Variants in SEC63 observed in about 807,000 individuals in gnomAD.
SEC63 encodes translocation protein SEC63 homolog.
SEC63 carries 56 observed loss-of-function variants against 116.2 expected under a neutral mutation model. That is an observed-to-expected ratio of 0.48 (90% confidence interval 0.39 to 0.60). The LOEUF is 0.60. Among genes scored for constraint, SEC63 ranks in the 20% least tolerant of loss-of-function variants. The probability of loss-of-function intolerance (pLI) is 0.00; values close to 1 mark genes in which losing one functional copy is unlikely to be tolerated. For synonymous variants in SEC63, 273 were observed against 294.6 expected (o/e 0.93, Z 0.75); for missense variants, 668 against 900.0 (o/e 0.74, Z 3.30).
intron 18 of SEC63, among the ~76,000 whole-genome samples, chr6:107,880,729 C>T (rs1562313902): frequency 1.3e-5 from 2 of 152,160 alleles, no homozygotes; most frequent in Non-Finnish European, 2.9e-5. Context: ...ATGTCGCCAG[C>T]AGGATCCTCA....
chr6:107,872,229 TG>T (rs1281598063), intron 20 of SEC63, among the ~76,000 whole-genome samples: 23 of 152,338 alleles, frequency 1.5e-4, no homozygotes, highest in African/African-American at 5.5e-4. Context: ...AGACTTGTGA[TG>T]TAAAATTCTA....
In SEC63 at chr6:107,908,957, C is replaced by A; in HGVS notation, c.703G>T (p.Val235Phe). 3.1e-6 allele frequency: 5 copies of A among 1,611,832 alleles called. No homozygotes were observed. Among genetic ancestry groups the A allele is most frequent in the Non-Finnish European group, 4.2e-6 (5 of 1,178,260 alleles). Residue 235 changes from valine to phenylalanine, a missense_variant, in exon 8 of 21, where the codon GTT (valine) becomes TTT (phenylalanine). Val to Phe is a conservative substitution (Grantham distance 50). Around this residue, in one of 5 missense-constraint regions of SEC63, gnomAD observed 430 missense variants for 557.5 expected, o/e 0.77. Coordinates refer to ENST00000369002, the MANE Select transcript of SEC63 (RefSeq NM_007214.5). Reference sequence around the variant, plus strand: ...ATATCCATATTTCGGGTTTTATAAACAAAGTATGTATAAATCTGTGTTGTG... The same window carrying A: ...ATATCCATATTTCGGGTTTTATAAAAAAAGTATGTATAAATCTGTGTTGTG... ...IRTTQIYTYF[V>F]YKTRNMDMKR... is the part of the protein sequence containing the mutation.
rs79487439 is a variant in SEC63, at chr6:107,940,351, A to G, written c.125-10837T>C. On this transcript the variant is annotated intron_variant, in intron 1 of 20. Transcript: ENST00000369002. Reference sequence around the variant, plus strand: ...AGGTACTTGACAGCAGCATACAATTATATCATATATTATCTCTTTTTCTTT... The same window carrying G: ...AGGTACTTGACAGCAGCATACAATTGTATCATATATTATCTCTTTTTCTTT... Among the ~76,000 whole-genome samples, 776 of 152,302 alleles carry G rather than the reference A, an allele frequency of 5.1e-3. 6 individuals are homozygous for G. Among genetic ancestry groups the G allele is most frequent in the African/African-American group, 0.018 (737 of 41,546 alleles).
chr6:107,923,153 A>AC, intron 3 of SEC63, among the ~76,000 whole-genome samples: 1 of 150,678 alleles, frequency 6.6e-6, no homozygotes, highest in East Asian at 1.9e-4. Context: ...AACACAAAAG[A>AC]TTTTTTTTTT....
intron 1 of SEC63, among the ~76,000 whole-genome samples, chr6:107,935,130 C>T (rs1770178700): frequency 6.8e-6 from 1 of 146,716 alleles, no homozygotes; most frequent in Admixed American, 6.7e-5. Context: ...GGGGGGTCAG[C>T]CCCCCGCCCA....
At chr6:107,913,971 C>T (rs1787342857) in intron 4 of SEC63, among the ~76,000 whole-genome samples, 1 of 152,160 alleles carries the variant, frequency 6.6e-6, no homozygotes. Context: ...AGGTAATTTG[C>T]ACTGTGCTAA....
chr6:107,938,300 G>A (rs1373619834), intron 1 of SEC63, among the ~76,000 whole-genome samples: 1 of 138,078 alleles, frequency 7.2e-6, no homozygotes, highest in Non-Finnish European at 1.5e-5. Flanking sequence ...AGGCTAGATA[G>A]ACTACAGTGG....
At chr6:107,892,377 G>A (rs916341266) in intron 16 of SEC63, among the ~76,000 whole-genome samples, 1 of 152,132 alleles carries the variant, frequency 6.6e-6, no homozygotes, top group East Asian at 1.9e-4. Flanking sequence ...TAAGTGGTTC[G>A]TATCCCCTAC....
chr6:107,920,205 C>T (rs1010614803), intron 4 of SEC63, among the ~76,000 whole-genome samples: 4 of 151,936 alleles, frequency 2.6e-5, no homozygotes, highest in Admixed American at 1.3e-4. Flanking sequence ...GGGAGGATCA[C>T]GACGTCAGGA....
Position 107,958,067 on chromosome 6 carries a change from C to G in SEC63, c.-58G>C, listed in dbSNP as rs1770750326. The G allele has an allele frequency of 6.2e-7, 1 of 1,600,058 alleles. No individual in the cohort carries two copies. The highest frequency in any genetic ancestry group is 8.5e-7 in the Non-Finnish European group (1 of 1,170,992). ...GCCGCCGCCACGACCACGCTCTGCA[C>G]TCCCGCTCCCAACGCCCCGGCCCGA... On this transcript the variant is annotated 5_prime_UTR_variant, in exon 1 of 21. Coordinates refer to ENST00000369002, the MANE Select transcript of SEC63 (RefSeq NM_007214.5).
chr6:107,925,032 T>G (rs1787644806), intron 2 of SEC63, 100 bp from the exon 3 acceptor site: 1 of 742,848 alleles, frequency 1.3e-6, no homozygotes, highest in Non-Finnish European at 2.5e-6. Flanking sequence ...AGTAGTACCA[T>G]ATCACTATGC....
At chr6:107,951,208 T>C (rs1770571588) in intron 1 of SEC63, among the ~76,000 whole-genome samples, 3 of 152,210 alleles carry the variant, frequency 2.0e-5, no homozygotes, top group African/African-American at 7.2e-5. Flanking sequence ...AGATGGGTAG[T>C]GTTAAGGTAA....
chr6:107,919,337 G>A (rs1275063837), intron 4 of SEC63, among the ~76,000 whole-genome samples: 1 of 152,192 alleles, frequency 6.6e-6, no homozygotes, highest in Non-Finnish European at 1.5e-5. Flanking sequence ...TGACTGAATT[G>A]CTGCAATCTC....
At chr6:107,898,152 T>C (rs1786909054) in intron 13 of SEC63, among the ~76,000 whole-genome samples, 1 of 151,696 alleles carries the variant, frequency 6.6e-6, no homozygotes, top group African/African-American at 2.4e-5. Flanking sequence ...TAGTCTCAGC[T>C]AGTCGGGAGG....
chr6:107,949,802 T>TTTTGTTTG (rs768804192), intron 1 of SEC63, among the ~76,000 whole-genome samples: 1 of 152,128 alleles, frequency 6.6e-6, no homozygotes, highest in African/African-American at 2.4e-5. Flanking sequence ...GCTAATATTT[T>TTTTGTTTG]TTTGTTTGTT....
At position 107,867,855 on chromosome 6, in the gene SEC63, G is replaced by A. The variant is rs1171683795; in HGVS notation, c.*3849C>T. 1.3e-5 allele frequency: 2 copies of A among 151,918 alleles called. No homozygotes were observed. Among genetic ancestry groups the A allele is most frequent in the Non-Finnish European group, 2.9e-5 (2 of 67,994 alleles). The allele number at this position is 151,918 out of a possible 1,614,324, so 9.4% of individuals were successfully genotyped here. On this transcript the variant is annotated 3_prime_UTR_variant, in exon 21 of 21. Coordinates refer to ENST00000369002, the MANE Select transcript of SEC63 (RefSeq NM_007214.5). Reference sequence around the variant, plus strand: ...ACACACAAAAATAGAAATTTAAAAGGATGAGATTAAATACAAATAATCATC... The same window carrying A: ...ACACACAAAAATAGAAATTTAAAAGAATGAGATTAAATACAAATAATCATC...
In SEC63 at chr6:107,871,277, T is replaced by G. The variant is rs1786127621; in HGVS notation, c.*427A>C. On this transcript the variant is annotated 3_prime_UTR_variant, in exon 21 of 21. Coordinates refer to ENST00000369002, the MANE Select transcript of SEC63 (RefSeq NM_007214.5). Reference sequence around the variant, plus strand: ...CAAGAGATTATCAACTTGAGCGATGTTACTTAAACTTGAGCGATGTTACTT... The same window carrying G: ...CAAGAGATTATCAACTTGAGCGATGGTACTTAAACTTGAGCGATGTTACTT... The G allele has an allele frequency of 5.4e-6, 1 of 183,882 alleles. No homozygotes were observed. The highest frequency in any genetic ancestry group is 1.2e-5 in the Non-Finnish European group (1 of 86,446). 11.4% of individuals were successfully genotyped at this position (183,882 alleles called of 1,614,324 possible). A position where few individuals can be genotyped will look rare whatever the true frequency, so the allele number is the denominator to read the frequency against.
Position 107,958,066 on chromosome 6 carries a change from A to G in SEC63, c.-57T>C. On this transcript the variant is annotated 5_prime_UTR_variant, in exon 1 of 21. Coordinates refer to ENST00000369002, the MANE Select transcript of SEC63 (RefSeq NM_007214.5). ...CGCCGCCGCCACGACCACGCTCTGCACTCCCGCTCCCAACGCCCCGGCCCG... is the reference window on the plus strand; with the variant it reads ...CGCCGCCGCCACGACCACGCTCTGCGCTCCCGCTCCCAACGCCCCGGCCCG... 6.3e-7 allele frequency: 1 copy of G among 1,598,232 alleles called. No individual in the cohort carries two copies. The highest frequency in any genetic ancestry group is 1.1e-5 in the South Asian group (1 of 90,292).
At chr6:107,934,617 G>T (rs1562336069) in intron 1 of SEC63, among the ~76,000 whole-genome samples, 1 of 148,884 alleles carries the variant, frequency 6.7e-6, no homozygotes, top group Non-Finnish European at 1.5e-5. Context: ...CGTCCGGGAG[G>T]GAGGTGGGGG....
Sources: gnomAD v4.1 joint callset for allele counts (sites outside exome capture counted in the v4.1 genomes callset) on GRCh38, gnomAD v4.1.1 for gene constraint, gnomAD v4.1.1 regional missense constraint, MANE v1.5 for transcripts, NCBI Gene and HGNC (gene_info 2026-07-23, HGNC 2026-07-21) for gene names.